UBE3C: variants seen among roughly 807,000 people sequenced by gnomAD.
The protein encoded by UBE3C is ubiquitin-protein ligase E3C.
In UBE3C, 42 loss-of-function variants were observed where a neutral mutation model predicts 129.4. The ratio of observed to expected loss-of-function variants is 0.32; its 90% CI spans 0.25 to 0.42. The LOEUF is 0.42. Ranked by LOEUF, UBE3C falls within the 10% of genes least tolerant of loss-of-function variation. UBE3C has a pLI of 1.00. For missense variants in UBE3C, 1,049 were observed against 1,319.1 expected, an observed-to-expected ratio of 0.80 and a Z score of 3.17; for synonymous variants, 510 against 492.4, an observed-to-expected ratio of 1.04 and a Z score of -0.47.
At chr7:157,213,429 C>T (rs1809652998) in intron 13 of UBE3C, among the ~76,000 whole-genome samples, 1 of 152,238 alleles carries the variant, frequency 6.6e-6, no homozygotes, top group African/African-American at 2.4e-5. Context: ...TCTTAGTGCT[C>T]CAGGTGATTC....
chr7:157,204,901 G>C (rs1404009632), intron 11 of UBE3C, among the ~76,000 whole-genome samples: 1 of 152,222 alleles, frequency 6.6e-6, no homozygotes, highest in Non-Finnish European at 1.5e-5. Context: ...TTGCAAGGGT[G>C]GGGGACATTG....
chr7:157,216,583 G>A (rs1382648658), intron 13 of UBE3C, among the ~76,000 whole-genome samples: 5 of 151,234 alleles, frequency 3.3e-5, no homozygotes, highest in Admixed American at 2.6e-4. Context: ...TGTAGCTCCC[G>A]CCAAATTTGT....
chr7:157,256,657 C>T (rs978438862), intron 21 of UBE3C: 1 of 349,036 alleles, frequency 2.9e-6, no homozygotes, highest in Non-Finnish European at 5.2e-6. Context: ...GTTGTGTCTG[C>T]ACTGAATGTG....
chr7:157,262,891 T>TG (rs1796957628), intron 22 of UBE3C: 1 of 152,246 alleles, frequency 6.6e-6, no homozygotes, highest in Admixed American at 6.5e-5. Flanking sequence ...TCCTGCAGAA[T>TG]GGGACATTGC....
At chr7:157,212,342 G>A (rs1809618474) in intron 13 of UBE3C, among the ~76,000 whole-genome samples, 1 of 152,166 alleles carries the variant, frequency 6.6e-6, no homozygotes, top group African/African-American at 2.4e-5. Context: ...TGGACTATAT[G>A]TACTTAATTT....
At chr7:157,149,709 C>T (rs930153300) in intron 1 of UBE3C, among the ~76,000 whole-genome samples, 3 of 152,124 alleles carry the variant, frequency 2.0e-5, no homozygotes, top group Non-Finnish European at 2.9e-5. Flanking sequence ...AATAGATGGT[C>T]TCATAAGACC....
chr7:157,220,319 C>T (rs919079706), intron 14 of UBE3C, among the ~76,000 whole-genome samples: 2 of 151,266 alleles, frequency 1.3e-5, no homozygotes, highest in African/African-American at 4.9e-5. Context: ...ACTGCCTCAA[C>T]CAAATTGAAA....
intron 10 of UBE3C, among the ~76,000 whole-genome samples, chr7:157,199,177 T>C (rs1467164175): frequency 1.3e-5 from 2 of 152,238 alleles, no homozygotes; most frequent in African/African-American, 4.8e-5. Context: ...ATAACATTTT[T>C]TAAAAACTCA....
intron 14 of UBE3C, among the ~76,000 whole-genome samples, chr7:157,219,515 G>T (rs562752003): frequency 6.6e-6 from 1 of 152,188 alleles, no homozygotes; most frequent in South Asian, 2.1e-4. Context: ...GAAACATAGG[G>T]GTTAGAAGTA....
intron 10 of UBE3C, among the ~76,000 whole-genome samples, chr7:157,199,451 A>AT (rs1022745022): frequency 1.3e-4 from 19 of 151,632 alleles, no homozygotes; most frequent in Admixed American, 3.9e-4. Context: ...TTCAGAGTGA[A>AT]TTTTTTTTAT....
intron 4 of UBE3C, 72 bp from the exon 5 acceptor site, chr7:157,174,847 G>T (rs1018732825): frequency 1.4e-4 from 156 of 1,128,548 alleles, no homozygotes; most frequent in Non-Finnish European, 1.9e-4. Flanking sequence ...AAGGAAATTT[G>T]GGGTATTATG....
chr7:157,206,406 G>T (rs1809434927), intron 11 of UBE3C, among the ~76,000 whole-genome samples: 1 of 151,558 alleles, frequency 6.6e-6, no homozygotes, highest in Admixed American at 6.6e-5. Context: ...GGGATTACAG[G>T]CACGTGCCAC....
chr7:157,154,402 T>C (rs1407805972), intron 1 of UBE3C, among the ~76,000 whole-genome samples: 1 of 152,184 alleles, frequency 6.6e-6, no homozygotes, highest in Non-Finnish European at 1.5e-5. Flanking sequence ...CCCACCATTA[T>C]TTTCTCAGTA....
chr7:157,253,918 T>A lies in UBE3C; in HGVS notation c.2695-36T>A, dbSNP rs761498929. ...TTTTTTTTAACCTATTATCATACTT[T>A]GAGGATTTTGAGATCCTTACGTTTT... On this transcript the variant is annotated intron_variant, in intron 19 of 22. Coordinates refer to ENST00000348165, the MANE Select transcript of UBE3C (RefSeq NM_014671.3). 4 of 1,536,916 alleles carry A rather than the reference T, an allele frequency of 2.6e-6. No individual in the cohort carries two copies. In the East Asian group the frequency reaches 9.2e-5, roughly 35 times the overall value.
intron 4 of UBE3C, among the ~76,000 whole-genome samples, chr7:157,174,230 C>T (rs932783338): frequency 4.6e-5 from 7 of 152,006 alleles, no homozygotes; most frequent in Admixed American, 2.6e-4. Flanking sequence ...GGCGTGGTGG[C>T]GGGCACCCGT....
chr7:157,174,341 A>G (rs1380317897), intron 4 of UBE3C, among the ~76,000 whole-genome samples: 2 of 152,222 alleles, frequency 1.3e-5, no homozygotes, highest in African/African-American at 2.4e-5. Context: ...TGATATTTGC[A>G]AGTGAACTAT....
At chr7:157,176,295 A>T (rs1015964131) in intron 5 of UBE3C, among the ~76,000 whole-genome samples, 5 of 152,084 alleles carry the variant, frequency 3.3e-5, no homozygotes, top group Admixed American at 3.3e-4. Flanking sequence ...TATTTTTGAG[A>T]TAAGAGTCTT....
intron 10 of UBE3C, chr7:157,198,209 C>A (rs1369496364): frequency 6.4e-7 from 1 of 1,552,076 alleles, no homozygotes; most frequent in Non-Finnish European, 8.9e-7. Context: ...TATATTCAGA[C>A]CGCTTACAAA....
chr7:157,196,479 C>T (rs1490899291), intron 10 of UBE3C, among the ~76,000 whole-genome samples: 1 of 152,110 alleles, frequency 6.6e-6, no homozygotes, highest in Non-Finnish European at 1.5e-5. Flanking sequence ...ATATACATTC[C>T]TGTATTTCTA....
Sources: gnomAD v4.1 joint callset for allele counts (sites outside exome capture counted in the v4.1 genomes callset) on GRCh38, gnomAD v4.1.1 for gene constraint, MANE v1.5 for transcripts, NCBI Gene and HGNC (gene_info 2026-07-23, HGNC 2026-07-21) for gene names.